The following DIS3L2 variants were observed in gnomAD, a reference collection of about 807,000 sequenced individuals.
DIS3L2 encodes the protein DIS3 like 3'-5' exoribonuclease 2, also known as DIS3-like exonuclease 2.
DIS3L2 carries 34 observed loss-of-function variants against 97.5 expected under a neutral mutation model. The ratio of observed to expected loss-of-function variants is 0.35; its 90% CI spans 0.27 to 0.46. The LOEUF is 0.46. Among genes scored for constraint, DIS3L2 ranks in the 20% least tolerant of loss-of-function variants. The pLI is 1.00. For missense variants in DIS3L2, 1,038 were observed against 1,146.0 expected (o/e 0.91, Z 1.36); for synonymous variants, 435 against 445.2 (o/e 0.98, Z 0.29).
chr2:232,049,312 A>G (rs1695334804), intron 5 of DIS3L2, among the ~76,000 whole-genome samples: 2 of 152,168 alleles, frequency 1.3e-5, no homozygotes, highest in Non-Finnish European at 2.9e-5. Flanking sequence ...ATTCAAATGG[A>G]TTCTTTGTAC....
intron 9 of DIS3L2, among the ~76,000 whole-genome samples, chr2:232,202,407 A>G (rs1330540454): frequency 6.6e-6 from 1 of 152,208 alleles, no homozygotes; most frequent in Non-Finnish European, 1.5e-5. Flanking sequence ...AAAAACAAAC[A>G]AACAGAAAAA....
chr2:232,340,837 G>A (rs1696087249), downstream of DIS3L2: 1 of 471,400 alleles, frequency 2.1e-6, no homozygotes, highest in Admixed American at 2.3e-5. Context: ...CAGTCACACT[G>A]CTCATGCCTA....
At chr2:232,124,011 A>G (rs546126795) in intron 6 of DIS3L2, among the ~76,000 whole-genome samples, 1 of 152,352 alleles carries the variant, frequency 6.6e-6, no homozygotes, top group South Asian at 2.1e-4. Flanking sequence ...TCTTCAACCT[A>G]GGCCTCAGAT....
chr2:232,203,718 C>T (rs1220365430), intron 9 of DIS3L2, among the ~76,000 whole-genome samples: 1 of 152,116 alleles, frequency 6.6e-6, no homozygotes, highest in Non-Finnish European at 1.5e-5. Flanking sequence ...GTGGCTGTTG[C>T]CATCAGAGAG....
At chr2:231,975,676 G>A (rs944640351) in intron 1 of DIS3L2, among the ~76,000 whole-genome samples, 6 of 133,828 alleles carry the variant, frequency 4.5e-5, no homozygotes, top group Non-Finnish European at 9.1e-5. Context: ...CTGCACTGCA[G>A]CCTGGGCGAC....
At chr2:232,168,768 A>G (rs1475440961) in intron 9 of DIS3L2, among the ~76,000 whole-genome samples, 1 of 152,200 alleles carries the variant, frequency 6.6e-6, no homozygotes, top group Non-Finnish European at 1.5e-5. Flanking sequence ...TAACACACAT[A>G]AAGAGAAGCC....
At chr2:231,994,411 C>T (rs1693671724) in intron 1 of DIS3L2, among the ~76,000 whole-genome samples, 1 of 151,978 alleles carries the variant, frequency 6.6e-6, no homozygotes, top group African/African-American at 2.4e-5. Flanking sequence ...TCTGTATCTA[C>T]AAAAGATCTT....
At chr2:232,029,911 C>T in intron 4 of DIS3L2, 68 bp from the exon 5 acceptor site, 4 of 1,131,490 alleles carry the variant, frequency 3.5e-6, no homozygotes, top group South Asian at 3.0e-5. Context: ...GTTATGAAAG[C>T]AGGCAATCTG....
chr2:232,265,119 T>C (rs1693820047), intron 13 of DIS3L2, among the ~76,000 whole-genome samples: 1 of 152,230 alleles, frequency 6.6e-6, no homozygotes, highest in Non-Finnish European at 1.5e-5. Context: ...GGCTGCCTGA[T>C]TGTCAAGTCC....
intron 5 of DIS3L2, among the ~76,000 whole-genome samples, chr2:232,061,321 A>C (rs1321376781): frequency 6.6e-6 from 1 of 152,216 alleles, no homozygotes; most frequent in African/African-American, 2.4e-5. Context: ...TACCTGGCTT[A>C]GGTGTCCTCA....
At chr2:232,165,141 T>C (rs1690766634) in intron 9 of DIS3L2, among the ~76,000 whole-genome samples, 1 of 152,222 alleles carries the variant, frequency 6.6e-6, no homozygotes, top group African/African-American at 2.4e-5. Flanking sequence ...TTAAAGACAC[T>C]GCTAATGTCC....
At chr2:232,105,166 A>G (rs1399850209) in intron 6 of DIS3L2, among the ~76,000 whole-genome samples, 2 of 152,116 alleles carry the variant, frequency 1.3e-5, no homozygotes, top group African/African-American at 2.4e-5. Context: ...AATTATTTCT[A>G]CCTTTGGCTA....
At chr2:232,096,236 G>A (rs999776746) in intron 6 of DIS3L2, among the ~76,000 whole-genome samples, 13 of 151,814 alleles carry the variant, frequency 8.6e-5, no homozygotes, top group Admixed American at 5.9e-4. Context: ...ACAGGCGCCC[G>A]CCACCACGCT....
intron 5 of DIS3L2, among the ~76,000 whole-genome samples, chr2:232,033,616 A>G (rs1694870085): frequency 6.6e-6 from 1 of 152,198 alleles, no homozygotes; most frequent in Admixed American, 6.5e-5. Flanking sequence ...TTTGTCATAA[A>G]TAGCTCTTAC....
intron 20 of DIS3L2, chr2:232,336,228 G>A (rs528169624): frequency 1.1e-5 from 17 of 1,539,750 alleles, no homozygotes; most frequent in African/African-American, 6.9e-5. Flanking sequence ...CCCTGAACGC[G>A]GACCCAGGCC....
downstream of DIS3L2, chr2:232,339,814 C>G: frequency 2.3e-6 from 1 of 433,848 alleles, no homozygotes; most frequent in East Asian, 7.1e-5. Flanking sequence ...CGGCATAGAA[C>G]TCCGTCTGGC....
intron 5 of DIS3L2, among the ~76,000 whole-genome samples, chr2:232,060,155 C>G (rs1044085376): frequency 3.3e-5 from 5 of 151,868 alleles, no homozygotes; most frequent in Admixed American, 6.6e-5. Flanking sequence ...CTCACTTTCT[C>G]CATTTTGTGG....
At chr2:231,982,847 T>G (rs1051658048) in intron 1 of DIS3L2, among the ~76,000 whole-genome samples, 17 of 152,000 alleles carry the variant, frequency 1.1e-4, no homozygotes, top group Admixed American at 5.9e-4. Context: ...ACCTGGCTAA[T>G]TTTTGTATTT....
chr2:232,221,131 T>A (rs995039415), intron 10 of DIS3L2, among the ~76,000 whole-genome samples: 4 of 151,906 alleles, frequency 2.6e-5, no homozygotes, highest in African/African-American at 9.7e-5. Context: ...AGTTTGTTTT[T>A]AATTTTCATC....
Sources: gnomAD v4.1 joint callset for allele counts (sites outside exome capture counted in the v4.1 genomes callset) on GRCh38, gnomAD v4.1.1 for gene constraint, MANE v1.5 for transcripts, NCBI Gene and HGNC (gene_info 2026-07-23, HGNC 2026-07-21) for gene names.